The following CD3E variants were observed in gnomAD, a reference collection of about 807,000 sequenced individuals.
CD3E encodes T-cell surface glycoprotein CD3 epsilon chain.
In CD3E, 16 loss-of-function variants were observed where a neutral mutation model predicts 34.7. The ratio of observed to expected loss-of-function variants is 0.46; its 90% CI spans 0.31 to 0.70. The LOEUF is 0.70. Ranked by LOEUF, CD3E falls within the 30% of genes least tolerant of loss-of-function variation. The pLI is 0.05. For synonymous variants in CD3E, 70 were observed against 90.8 expected (o/e 0.77, Z 1.30); for missense variants, 223 against 253.9 (o/e 0.88, Z 0.83).
rs547663538 is a variant in CD3E at position 118,312,002 on chromosome 11, C to A, written c.86-151C>A. On this transcript the variant is annotated intron_variant, in intron 4 of 8. Transcript: ENST00000361763. ...CTAAATCTCATAGGCTAAGCATGAA[C>A]CTCACCTCCAAGACTCGGGGTTCCT... 4.8e-5 allele frequency: 35 copies of A among 727,936 alleles called. No homozygotes were observed. In the African/African-American group the frequency reaches 5.2e-4, roughly 11 times the overall value. The allele number at this position is 727,936 out of a possible 1,614,324, so 45.1% of individuals were successfully genotyped here.
intron 4 of CD3E, among the ~76,000 whole-genome samples, chr11:118,308,704 C>A (rs1948120552): frequency 6.6e-6 from 1 of 152,186 alleles, no homozygotes; most frequent in African/African-American, 2.4e-5. Context: ...GCCATGAAAT[C>A]TTTGAAGGCA....
At chr11:118,312,994 A>C in intron 6 of CD3E, 128 bp downstream of exon 6, 4 of 995,136 alleles carry the variant, frequency 4.0e-6, no homozygotes, top group Middle Eastern at 2.0e-4. Flanking sequence ...CCCACACTCA[A>C]TCCTGGGACT....
chr11:118,312,979 T>C (rs756365281), intron 6 of CD3E, 113 bp downstream of exon 6: 1 of 1,169,636 alleles, frequency 8.5e-7, no homozygotes, highest in Admixed American at 1.7e-5. Context: ...GTCTTTGCGC[T>C]TCCTCCCACA....
chr11:118,312,593 G>A (rs373524404), intron 5 of CD3E, 25 bp from the exon 6 acceptor site: 19 of 1,613,630 alleles, frequency 1.2e-5, no homozygotes, highest in Admixed American at 1.0e-4. Flanking sequence ...GGTTTCTTCT[G>A]CCAATTTCCC....
In CD3E at chr11:118,312,308, G is replaced by A. The variant is rs115687574; in HGVS notation, c.103+138G>A. The A allele has an allele frequency of 1.4e-4, 130 of 905,998 alleles. No homozygotes were observed. In the African/African-American group the frequency reaches 1.9e-3, roughly 13 times the overall value. The allele number at this position is 905,998 out of a possible 1,614,324, so 56.1% of individuals were successfully genotyped here. On this transcript the variant is annotated intron_variant, in intron 5 of 8. Transcript: ENST00000361763. ...TGCATTCTCAACTCCATTTTAGAAA[G>A]GTTCCAAATAGGGACTTCTGTGGGT...
Position 118,312,672 on chromosome 11 carries a change from C to A in CD3E, c.158C>A (p.Pro53His). Residue 53 changes from proline to histidine, a missense_variant, in exon 6 of 9, where the codon CCT becomes CAT. Transcript: ENST00000361763. ...TTVILTCPQY[P>H]GSEILWQHND... ...GTAATATTGACATGCCCTCAGTATC[C>A]TGGATCTGAAATACTATGGCAACAC... 4.3e-6 allele frequency: 7 copies of A among 1,614,024 alleles called. No homozygotes were observed. The highest frequency in any genetic ancestry group is 5.9e-6 in the Non-Finnish European group (7 of 1,179,902).
chr11:118,306,805 G>A (rs1000001538), intron 2 of CD3E, among the ~76,000 whole-genome samples: 1 of 152,112 alleles, frequency 6.6e-6, no homozygotes, highest in Admixed American at 6.6e-5. Flanking sequence ...AGTAATCAGG[G>A]TTTCAAATAT....
At chr11:118,305,702 G>A (rs566068681) in intron 2 of CD3E, among the ~76,000 whole-genome samples, 3 of 152,286 alleles carry the variant, frequency 2.0e-5, no homozygotes, top group East Asian at 1.9e-4. Flanking sequence ...AAACTGATAA[G>A]TCCTCTCTAC....
chr11:118,308,359 G>A lies in CD3E; in HGVS notation c.71-68G>A, dbSNP rs377715515. 57 of 1,203,252 alleles carry A rather than the reference G, an allele frequency of 4.7e-5. No individual in the cohort carries two copies. The East Asian group carries it at 6.1e-4, about 13-fold the overall frequency. 74.5% of individuals were successfully genotyped at this position (1,203,252 alleles called of 1,614,324 possible). Reference sequence around the variant, plus strand: ...AGTTGAGGGAAGAGTCCCAACCCACGGGAGCAGGGTCTGATCTTCATTGCC... The same window carrying A: ...AGTTGAGGGAAGAGTCCCAACCCACAGGAGCAGGGTCTGATCTTCATTGCC... On this transcript the variant is annotated intron_variant, in intron 3 of 8. Transcript: ENST00000361763.
chr11:118,315,124 C>T (rs1019400582), intron 8 of CD3E, among the ~76,000 whole-genome samples: 6 of 152,090 alleles, frequency 3.9e-5, no homozygotes, highest in African/African-American at 1.4e-4. Context: ...GTGTGCACTC[C>T]TAGTTGTTAA....
intron 4 of CD3E, among the ~76,000 whole-genome samples, chr11:118,310,356 C>G (rs1948129297): frequency 6.6e-6 from 1 of 152,166 alleles, no homozygotes; most frequent in Admixed American, 6.5e-5. Context: ...GCTCCCACTT[C>G]TAAATGAGAA....
At chr11:118,313,188 T>C in intron 6 of CD3E, 1 of 404,712 alleles carries the variant, frequency 2.5e-6, no homozygotes, top group Non-Finnish European at 4.6e-6. Context: ...TAATGCTTCC[T>C]CCAGAGATAA....
Position 118,315,903 on chromosome 11 carries a change from A to G in CD3E, c.*361A>G, listed in dbSNP as rs890037034. The G allele has an allele frequency of 2.8e-5, 11 of 388,180 alleles. No homozygotes were observed. The highest frequency in any genetic ancestry group is 4.3e-5 in the Non-Finnish European group (9 of 209,640). The allele number at this position is 388,180 out of a possible 1,614,324, so 24.0% of individuals were successfully genotyped here. Reference sequence around the variant, plus strand: ...TGTAAGTTGTCCCCCATCCCAAAGTATTCCATCTACTTTTCTATCGCCGTC... The same window carrying G: ...TGTAAGTTGTCCCCCATCCCAAAGTGTTCCATCTACTTTTCTATCGCCGTC... On this transcript the variant is annotated 3_prime_UTR_variant, in exon 9 of 9. Coordinates refer to ENST00000361763, the MANE Select transcript of CD3E (RefSeq NM_000733.4).
intron 7 of CD3E, 114 bp downstream of exon 7, chr11:118,313,988 T>C (rs951155693): frequency 2.1e-6 from 2 of 962,880 alleles, no homozygotes; most frequent in East Asian, 2.6e-5. Flanking sequence ...AGAGCTTCTA[T>C]GCACAGCTTC....
At position 118,315,657 on chromosome 11, in the gene CD3E, A is replaced by C. The variant is rs200452738; in HGVS notation, c.*115A>C. The C allele has an allele frequency of 2.1e-6, 2 of 932,448 alleles. No individual in the cohort carries two copies. Among genetic ancestry groups the C allele is most frequent in the Non-Finnish European group, 1.7e-6 (1 of 590,170 alleles). 57.8% of individuals were successfully genotyped at this position (932,448 alleles called of 1,614,324 possible). A position where few individuals can be genotyped will look rare whatever the true frequency, so the allele number is the denominator to read the frequency against. On this transcript the variant is annotated 3_prime_UTR_variant, in exon 9 of 9. Coordinates refer to ENST00000361763, the MANE Select transcript of CD3E (RefSeq NM_000733.4). ...CGAGAGAGAATCGTTCCTCAGCCTC[A>C]TGGTGAACTCGCGCCCTCCAGCCTG...
At position 118,308,458 on chromosome 11, in the gene CD3E, T is replaced by C. The variant is rs201478021; in HGVS notation, c.85+17T>C. 50 of 1,556,860 alleles carry C rather than the reference T, an allele frequency of 3.2e-5. No individual in the cohort carries two copies. The highest frequency in any genetic ancestry group is 2.6e-4 in the South Asian group (23 of 88,778). On this transcript the variant is annotated intron_variant, in intron 4 of 8. Transcript: ENST00000361763. ...AAGAAATGGGTAAGAAGATTTCCACTCTATCTAGCAAAAGTTTTCAAATAT... is the reference window on the plus strand; with the variant it reads ...AAGAAATGGGTAAGAAGATTTCCACCCTATCTAGCAAAAGTTTTCAAATAT...
chr11:118,315,453 C>A, intron 8 of CD3E, 33 bp from the exon 9 acceptor site: 1 of 1,599,594 alleles, frequency 6.3e-7, no homozygotes, highest in Non-Finnish European at 8.6e-7. Flanking sequence ...TCCTCCCGCA[C>A]CACTGACCGC....
intron 6 of CD3E, 117 bp from the exon 7 acceptor site, chr11:118,313,590 G>T: frequency 1.1e-6 from 1 of 933,822 alleles, no homozygotes; most frequent in South Asian, 1.4e-5. Context: ...GGCTCTGACC[G>T]TGGCAAGCGT....
At position 118,314,436 on chromosome 11, in the gene CD3E, C is replaced by T; in HGVS notation, c.521-12C>T. 6.2e-7 allele frequency: 1 copy of T among 1,612,976 alleles called. No homozygotes were observed. The highest frequency in any genetic ancestry group is 8.5e-7 in the Non-Finnish European group (1 of 1,179,074). On this transcript the variant is annotated splice_polypyrimidine_tract_variant and intron_variant, in intron 7 of 8. Coordinates refer to ENST00000361763, the MANE Select transcript of CD3E (RefSeq NM_000733.4). ...TCATGGGAATGAAATGTTTCCCCTCCTTCCTCCGCAGGACAAAACAAGGAG... is the reference window on the plus strand; with the variant it reads ...TCATGGGAATGAAATGTTTCCCCTCTTTCCTCCGCAGGACAAAACAAGGAG...
Sources: gnomAD v4.1 joint callset for allele counts (sites outside exome capture counted in the v4.1 genomes callset) on GRCh38, gnomAD v4.1.1 for gene constraint, MANE v1.5 for transcripts, NCBI Gene and HGNC (gene_info 2026-07-23, HGNC 2026-07-21) for gene names.